CHODL: variants seen among roughly 807,000 people sequenced by gnomAD.
CHODL encodes transmembrane protein MT75.
Under a neutral mutation model 34.5 loss-of-function variants are expected in CHODL, and 29 were observed. The observed-to-expected ratio is 0.84, with a 90% CI of 0.63 to 1.15. The LOEUF (loss-of-function observed/expected upper bound fraction) is 1.15, where lower values mean the gene tolerates loss of function less well. Among genes scored for constraint, CHODL ranks in the 50% most tolerant of loss-of-function variants. The pLI, the probability that CHODL is intolerant of heterozygous loss-of-function variation, is 0.00. For synonymous variants in CHODL, 125 were observed against 116.1 expected (o/e 1.08, Z -0.49); for missense variants, 332 against 332.5 (o/e 1.00, Z 0.01).
At chr21:18,195,484 C>T (rs1217170901) in intron 2 of CHODL, among the ~76,000 whole-genome samples, 1 of 152,210 alleles carries the variant, frequency 6.6e-6, no homozygotes, top group East Asian at 1.9e-4. Context: ...CCGCAGTCCT[C>T]AGCAACCGCC....
chr21:18,207,303 T>C (rs911544730), intron 2 of CHODL, among the ~76,000 whole-genome samples: 5 of 152,192 alleles, frequency 3.3e-5, no homozygotes, highest in African/African-American at 1.2e-4. Flanking sequence ...TTATTTTAAA[T>C]TGATGACAAC....
rs536448430 is a variant in CHODL at position 18,129,920 on chromosome 21, GTGTGTGTGTC to G, written c.-45+101959_-45+101968del. On this transcript the variant is annotated intron_variant, in intron 2 of 6. Coordinates refer to the CHODL transcript ENST00000400127. ...TGTGTGTGTGTGTGTGTGTGTGTGT[GTGTGTGTGTC>G]TGTGTGTGTGTATGAGCAATTCTAA... Among the ~76,000 whole-genome samples the G allele has an allele frequency of 3.4e-5, 4 of 117,944 alleles. No individual in the cohort carries two copies. The East Asian group carries it at 9.7e-4, about 29-fold the overall frequency. 77.4% of individuals were successfully genotyped at this position (117,944 alleles called of 152,430 possible).
At chr21:18,136,397 G>A (rs1268069100) in intron 2 of CHODL, among the ~76,000 whole-genome samples, 3 of 152,014 alleles carry the variant, frequency 2.0e-5, no homozygotes, top group Non-Finnish European at 4.4e-5. Flanking sequence ...GACAGAAATT[G>A]AACAGTGCCT....
At chr21:18,060,097 C>A (rs140214093) in intron 2 of CHODL, among the ~76,000 whole-genome samples, 22 of 152,220 alleles carry the variant, frequency 1.4e-4, no homozygotes, top group African/African-American at 5.1e-4. Context: ...CCCCACTGAT[C>A]GCTTCGTATC....
intron 1 of CHODL, among the ~76,000 whole-genome samples, chr21:17,978,650 G>C (rs1216581429): frequency 1.3e-5 from 2 of 151,646 alleles, no homozygotes; most frequent in Non-Finnish European, 2.9e-5. Flanking sequence ...CCCAGAAGGC[G>C]GAGCTTGCAG....
intron 1 of CHODL, among the ~76,000 whole-genome samples, chr21:17,950,724 CT>C (rs1255791275): frequency 6.6e-6 from 1 of 151,936 alleles, no homozygotes; most frequent in Non-Finnish European, 1.5e-5. Context: ...AACCAATCAG[CT>C]TTTGACAAAG....
chr21:18,085,286 G>A (rs910306200), intron 2 of CHODL, among the ~76,000 whole-genome samples: 168 of 151,892 alleles, frequency 1.1e-3, no homozygotes, highest in African/African-American at 3.9e-3. Context: ...TTACATTCAA[G>A]GTTAATATTA....
chr21:18,163,567 A>G (rs917296797), intron 2 of CHODL, among the ~76,000 whole-genome samples: 2 of 152,192 alleles, frequency 1.3e-5, no homozygotes, highest in African/African-American at 4.8e-5. Flanking sequence ...CTAAATGGGT[A>G]CTGGGTTATT....
At chr21:18,225,040 T>C (rs1466756162) in intron 2 of CHODL, among the ~76,000 whole-genome samples, 2 of 152,130 alleles carry the variant, frequency 1.3e-5, no homozygotes, top group Admixed American at 6.6e-5. Context: ...GTGTTTCCTG[T>C]GTGTACAGTA....
intron 1 of CHODL, among the ~76,000 whole-genome samples, chr21:17,997,723 C>T (rs905339058): frequency 7.2e-5 from 11 of 152,100 alleles, no homozygotes; most frequent in African/African-American, 1.9e-4. Flanking sequence ...ATATGCCCAT[C>T]GGATCTCCTG....
At chr21:18,255,224 T>C (rs549177083) in intron 1 of CHODL, among the ~76,000 whole-genome samples, 1 of 152,202 alleles carries the variant, frequency 6.6e-6, no homozygotes, top group South Asian at 2.1e-4. Context: ...TTGGTCCTAA[T>C]CTTTATTCCT....
chr21:18,235,268 G>T (rs933847495), intron 2 of CHODL, among the ~76,000 whole-genome samples: 1 of 152,000 alleles, frequency 6.6e-6, no homozygotes, highest in African/African-American at 2.4e-5. Context: ...ATATGTAAAA[G>T]CCTGTGCATG....
chr21:18,029,070 G>A (rs2064217655), intron 2 of CHODL, among the ~76,000 whole-genome samples: 1 of 152,098 alleles, frequency 6.6e-6, no homozygotes, highest in African/African-American at 2.4e-5. Flanking sequence ...ATTTCTTAGA[G>A]TTCTTATGGC....
chr21:18,200,401 GT>G (rs1344437996), intron 2 of CHODL, among the ~76,000 whole-genome samples: 1 of 152,008 alleles, frequency 6.6e-6, no homozygotes, highest in African/African-American at 2.4e-5. Flanking sequence ...ATTTCCACCA[GT>G]TTTTTTGTTT....
At chr21:18,131,110 CAGAG>C (rs956175535) in intron 2 of CHODL, among the ~76,000 whole-genome samples, 1 of 151,540 alleles carries the variant, frequency 6.6e-6, no homozygotes, top group African/African-American at 2.4e-5. Context: ...GAGAGGAAGA[CAGAG>C]AGAGAAAGAG....
intron 2 of CHODL, among the ~76,000 whole-genome samples, chr21:18,179,625 T>C (rs1183591131): frequency 2.0e-5 from 3 of 152,208 alleles, no homozygotes; most frequent in Non-Finnish European, 4.4e-5. Flanking sequence ...TGTTGGTATG[T>C]AGGGACCAAT....
chr21:18,016,598 G>C (rs1391710183), intron 1 of CHODL, among the ~76,000 whole-genome samples: 1 of 152,234 alleles, frequency 6.6e-6, no homozygotes, highest in African/African-American at 2.4e-5. Context: ...GCAGTGCAGA[G>C]GGGAAATGTG....
intron 2 of CHODL, among the ~76,000 whole-genome samples, chr21:18,094,726 C>G (rs533558559): frequency 7.6e-6 from 1 of 131,406 alleles, no homozygotes; most frequent in Admixed American, 8.1e-5. Flanking sequence ...AAATTTATAG[C>G]TATAAATGTC....
chr21:18,046,435 G>C (rs144401906), intron 2 of CHODL, among the ~76,000 whole-genome samples: 1 of 151,860 alleles, frequency 6.6e-6, no homozygotes. Flanking sequence ...AATACATTAC[G>C]GGGACCAGAT....
Sources: allele counts gnomAD v4.1 joint callset (sites outside exome capture counted in the v4.1 genomes callset), GRCh38; gene constraint gnomAD v4.1.1; transcripts MANE v1.5; gene names NCBI Gene and HGNC (gene_info 2026-07-23, HGNC 2026-07-21).